Variants in LYZL1 observed in about 807,000 individuals in gnomAD.
LYZL1 encodes the protein lysozyme-like protein 1.
A neutral mutation model predicts 17.9 loss-of-function variants in LYZL1; 16 were observed. The observed-to-expected ratio is 0.90, with a 90% CI of 0.61 to 1.36. The LOEUF (loss-of-function observed/expected upper bound fraction) is 1.36. Ranked by LOEUF, LYZL1 falls within the 40% of genes most tolerant of loss-of-function variation. The pLI, the probability that LYZL1 is intolerant of heterozygous loss-of-function variation, is 0.00. For missense variants in LYZL1, 149 were observed against 188.4 expected, an observed-to-expected ratio of 0.79 and a Z score of 1.22; for synonymous variants, 58 against 71.8, an observed-to-expected ratio of 0.81 and a Z score of 0.97.
chr10:29,315,017 G>A (rs978552148), downstream of LYZL1, among the ~76,000 whole-genome samples: 1 of 152,048 alleles, frequency 6.6e-6, no homozygotes. Context: ...CAAACCCTAA[G>A]CCAGCCCCTG....
intron 3 of LYZL1, 36 bp downstream of exon 3, chr10:29,292,713 G>T: frequency 6.3e-7 from 1 of 1,583,760 alleles, no homozygotes; most frequent in African/African-American, 1.4e-5. Context: ...CCATCCTCAG[G>T]ACTAGGCGAG....
downstream of LYZL1, among the ~76,000 whole-genome samples, chr10:29,312,523 A>C (rs1225081908): frequency 6.6e-6 from 1 of 152,184 alleles, no homozygotes; most frequent in East Asian, 1.9e-4. Flanking sequence ...TATCCAATTC[A>C]AAAAGCCATG....
At chr10:29,315,203 A>G (rs1157549727), downstream of LYZL1, among the ~76,000 whole-genome samples, 2 of 152,302 alleles carry the variant, frequency 1.3e-5, no homozygotes, top group East Asian at 3.9e-4. Flanking sequence ...GAAATACACT[A>G]TATTTTTTTG....
chr10:29,293,787 A>G (rs1835409780), intron 3 of LYZL1, among the ~76,000 whole-genome samples: 1 of 152,048 alleles, frequency 6.6e-6, no homozygotes, highest in Admixed American at 6.5e-5. Flanking sequence ...AGCCTGACCA[A>G]CACGGTGAAA....
At chr10:29,318,268 C>A (rs1588666997) in exon 5 of LYZL1, 1 of 800,440 alleles carries the variant, frequency 1.2e-6, no homozygotes, top group Non-Finnish European at 1.5e-6. Flanking sequence ...GATGAAAAAA[C>A]GAAATCTATA....
At chr10:29,297,561 T>C (rs964037155) in intron 3 of LYZL1, among the ~76,000 whole-genome samples, 5 of 152,244 alleles carry the variant, frequency 3.3e-5, no homozygotes, top group African/African-American at 1.2e-4. Context: ...TCTTGCACCA[T>C]TCTGCTTTGT....
At position 29,301,410 on chromosome 10, in the gene LYZL1, C is replaced by T. The variant is rs1835516707; in HGVS notation, c.299-8700C>T. ...ATGGGGTCTCGCCATGTTGCCCAGG[C>T]TGATCTCAGACTCCTGGGCTCAAGT... On this transcript the variant is annotated intron_variant, in intron 3 of 4. Transcript: ENST00000649382. Among the ~76,000 whole-genome samples, 5 of 152,032 alleles carry T rather than the reference C, an allele frequency of 3.3e-5. No homozygotes were observed. The South Asian group carries it at 1.0e-3, about 32-fold the overall frequency.
rs146172810 is a variant in LYZL1 at position 29,289,372 on chromosome 10, C to T, written c.-26+142C>T. The T allele has an allele frequency of 4.7e-3, 2,603 of 552,368 alleles. 14 individuals are homozygous for T. Among genetic ancestry groups the T allele is most frequent in the Non-Finnish European group, 5.0e-3 (1,683 of 337,942 alleles). The allele number at this position is 552,368 out of a possible 1,614,324, so 34.2% of individuals were successfully genotyped here. ...AAAATTCTAAGGCAGGGGATGGAAA[C>T]CAACTCTATTTGTAAGCTCTGTATC... is the stretch of plus-strand genomic sequence containing the variant. On this transcript the variant is annotated intron_variant, in intron 1 of 4. Coordinates refer to ENST00000649382, the MANE Select transcript of LYZL1 (RefSeq NM_032517.6).
chr10:29,291,020 T>A (rs193093900), intron 1 of LYZL1, among the ~76,000 whole-genome samples: 18 of 152,136 alleles, frequency 1.2e-4, no homozygotes, highest in Admixed American at 8.5e-4. Flanking sequence ...GTGGCTGAAA[T>A]GGGCTGTCTG....
intron 3 of LYZL1, among the ~76,000 whole-genome samples, chr10:29,298,707 T>A (rs7090212): frequency 0.25 from 38,613 of 151,818 alleles, 5,083 homozygotes; most frequent in East Asian, 0.33. Flanking sequence ...CCAGCCTGAT[T>A]GTGAAGGATG....
chr10:29,301,443 A>G (rs1835517005), intron 3 of LYZL1, among the ~76,000 whole-genome samples: 1 of 152,194 alleles, frequency 6.6e-6, no homozygotes, highest in Non-Finnish European at 1.5e-5. Context: ...AGTGATCCTC[A>G]GCCTCCCAAA....
At chr10:29,292,179 C>G (rs1835377719) in intron 2 of LYZL1, among the ~76,000 whole-genome samples, 173 bp downstream of exon 2, 1 of 150,668 alleles carries the variant, frequency 6.6e-6, no homozygotes, top group African/African-American at 2.4e-5. Context: ...CTCCTTCCTC[C>G]CCTGCCCCTC....
At chr10:29,291,135 C>T (rs1244188941) in intron 1 of LYZL1, among the ~76,000 whole-genome samples, 3 of 152,174 alleles carry the variant, frequency 2.0e-5, no homozygotes, top group Non-Finnish European at 2.9e-5. Context: ...AGAAACTTAA[C>T]GACTCCATAG....
intron 3 of LYZL1, among the ~76,000 whole-genome samples, chr10:29,299,170 T>C (rs560278051): frequency 4.0e-4 from 61 of 152,272 alleles, no homozygotes; most frequent in Admixed American, 1.2e-3. Context: ...GAAGCTCAGG[T>C]GGTAATGCAA....
chr10:29,300,395 G>A (rs1330410008), intron 3 of LYZL1, among the ~76,000 whole-genome samples: 1 of 152,100 alleles, frequency 6.6e-6, no homozygotes, highest in African/African-American at 2.4e-5. Flanking sequence ...TATAACATAT[G>A]AGTTTCTTAA....
downstream of LYZL1, chr10:29,311,377 CA>C: frequency 5.3e-6 from 3 of 565,312 alleles, no homozygotes; most frequent in Non-Finnish European, 7.8e-6. Flanking sequence ...GCTGCTCATT[CA>C]AAAATAAGAC....
intron 3 of LYZL1, among the ~76,000 whole-genome samples, chr10:29,304,817 C>G (rs939753064): frequency 6.6e-6 from 1 of 152,160 alleles, no homozygotes; most frequent in Non-Finnish European, 1.5e-5. Context: ...CCTACTTTCC[C>G]TAACATATTT....
At chr10:29,306,549 C>CAAAAAAAAAA (rs58001118) in intron 3 of LYZL1, among the ~76,000 whole-genome samples, 68 of 48,764 alleles carry the variant, frequency 1.4e-3, no homozygotes, top group East Asian at 2.0e-3. Context: ...GACTCCGTCT[C>CAAAAAAAAAA]AAAAAAAAAA....
intron 4 of LYZL1, among the ~76,000 whole-genome samples, chr10:29,310,429 G>A (rs995958663): frequency 4.6e-5 from 7 of 151,756 alleles, no homozygotes; most frequent in Non-Finnish European, 1.0e-4. Flanking sequence ...TCATATGAAC[G>A]TATTCCAAAC....
Sources: allele counts gnomAD v4.1 joint callset (sites outside exome capture counted in the v4.1 genomes callset), GRCh38; gene constraint gnomAD v4.1.1; transcripts MANE v1.5; gene names NCBI Gene and HGNC (gene_info 2026-07-23, HGNC 2026-07-21).